The following SMG7 variants were observed in gnomAD, a reference collection of about 807,000 sequenced individuals.
The protein encoded by SMG7 is nonsense-mediated mRNA decay factor SMG7.
Under a neutral mutation model 148.2 loss-of-function variants are expected in SMG7, and 34 were observed. The ratio of observed to expected loss-of-function variants is 0.23; its 90% confidence interval spans 0.17 to 0.31. SMG7 has a LOEUF of 0.31. SMG7 is among the 10% of genes least tolerant of loss of function. SMG7 has a pLI of 1.00. For missense variants in SMG7, 1,114 were observed against 1,408.4 expected (o/e 0.79, Z 3.35); for synonymous variants, 492 against 515.1 (o/e 0.96, Z 0.61).
At chr1:183,539,907 A>G (rs1414026360) in intron 12 of SMG7, among the ~76,000 whole-genome samples, 1 of 152,152 alleles carries the variant, frequency 6.6e-6, no homozygotes, top group Non-Finnish European at 1.5e-5. Flanking sequence ...TACACTGCCT[A>G]TAGTTTTTAA....
intron 1 of SMG7, among the ~76,000 whole-genome samples, chr1:183,486,234 G>T (rs529027866): frequency 6.6e-6 from 1 of 152,276 alleles, no homozygotes; most frequent in East Asian, 1.9e-4. Flanking sequence ...AATAATATAT[G>T]AGATTGCACT....
chr1:183,536,660 T>C (rs1207319163), intron 10 of SMG7, among the ~76,000 whole-genome samples: 1 of 152,150 alleles, frequency 6.6e-6, no homozygotes, highest in Non-Finnish European at 1.5e-5. Flanking sequence ...TGTAAAAATG[T>C]GGACTTTTTG....
At chr1:183,513,079 G>A in intron 2 of SMG7, 12 of 473,352 alleles carry the variant, frequency 2.5e-5, no homozygotes, top group South Asian at 4.9e-5. Flanking sequence ...ACTAATATAT[G>A]GTATACTGAA....
Position 183,539,641 on chromosome 1 carries a change from A to G in SMG7, c.1295+1201A>G, listed in dbSNP as rs1232453057. Among the ~76,000 whole-genome samples the G allele has an allele frequency of 2.0e-5, 3 of 152,238 alleles. No individual in the cohort carries two copies. In the East Asian group the frequency reaches 5.8e-4, roughly 29 times the overall value. On this transcript the variant is annotated intron_variant, in intron 12 of 22. Coordinates refer to ENST00000688051, the MANE Select transcript of SMG7 (RefSeq NM_001375584.1). The stretch of plus-strand genomic sequence containing the variant: ...CTTATATTTTCCGATTTGGTCAGCC[A>G]AAAAGCAATCTTCTTTCTCTATTTT...
intron 15 of SMG7, 43 bp downstream of exon 15, chr1:183,544,540 C>A (rs1209308172): frequency 6.3e-7 from 1 of 1,589,878 alleles, no homozygotes; most frequent in Non-Finnish European, 8.6e-7. Flanking sequence ...CTTTTCTGTG[C>A]AAGAATTTCT....
At chr1:183,480,967 G>A (rs1653954289) in intron 1 of SMG7, among the ~76,000 whole-genome samples, 1 of 152,140 alleles carries the variant, frequency 6.6e-6, no homozygotes, top group Admixed American at 6.5e-5. Context: ...ATTGCTGTCA[G>A]TGTTAACAAA....
chr1:183,532,457 A>AT (rs1236210713), intron 8 of SMG7, among the ~76,000 whole-genome samples: 2 of 152,212 alleles, frequency 1.3e-5, no homozygotes, highest in African/African-American at 4.8e-5. Context: ...CATCTGGGTG[A>AT]TTTTTTATAG....
Position 183,472,521 on chromosome 1 carries a change from TGGC to T in SMG7, c.-93_-91del. 8.6e-7 allele frequency: 1 copy of T among 1,165,202 alleles called. No individual in the cohort carries two copies. The highest frequency in any genetic ancestry group is 1.1e-6 in the Non-Finnish European group (1 of 883,208). The allele number at this position is 1,165,202 out of a possible 1,614,324, so 72.2% of individuals were successfully genotyped here. A position where few individuals can be genotyped will look rare whatever the true frequency, so the allele number is the denominator to read the frequency against. On this transcript the variant is annotated 5_prime_UTR_variant, in exon 1 of 23. Transcript: ENST00000688051. The stretch of plus-strand genomic sequence containing the variant: ...GAGGAGGAGCCGGAGGAGAGGAAGA[TGGC>T]GGCGGCCGCCAGCACCCGCGGTGCC...
chr1:183,532,846 T>C lies in SMG7; in HGVS notation c.844-318T>C, dbSNP rs532162864. The stretch of plus-strand genomic sequence containing the variant: ...AAACAATTTCTAAAGGATTAAGTTG[T>C]ATAAATTTATGGATGAACACTCAAA... On this transcript the variant is annotated intron_variant, in intron 8 of 22. Coordinates refer to ENST00000688051, the MANE Select transcript of SMG7 (RefSeq NM_001375584.1). Among the ~76,000 whole-genome samples the C allele has an allele frequency of 2.0e-5, 3 of 152,310 alleles. No individual in the cohort carries two copies. In the East Asian group the frequency reaches 5.8e-4, roughly 29 times the overall value.
At chr1:183,508,836 A>G (rs1170544030) in intron 1 of SMG7, among the ~76,000 whole-genome samples, 1 of 152,224 alleles carries the variant, frequency 6.6e-6, no homozygotes, top group Non-Finnish European at 1.5e-5. Flanking sequence ...TTCTAATTAT[A>G]TGAGACTGTA....
intron 1 of SMG7, among the ~76,000 whole-genome samples, chr1:183,479,922 C>T (rs866920937): frequency 3.9e-5 from 6 of 152,202 alleles, no homozygotes; most frequent in Middle Eastern, 3.4e-3. Flanking sequence ...ACTCATGGCT[C>T]CTTTATTCCA....
At chr1:183,489,926 C>G (rs1169095054) in intron 1 of SMG7, among the ~76,000 whole-genome samples, 2 of 152,144 alleles carry the variant, frequency 1.3e-5, no homozygotes, top group Non-Finnish European at 2.9e-5. Context: ...AATGTGGTCC[C>G]CAGATGAGCA....
rs559461524 is a variant in SMG7, at chr1:183,536,931, C to T, written c.1164-214C>T. 5.9e-5 allele frequency among the ~76,000 whole-genome samples: 9 copies of T among 152,146 alleles called. No homozygotes were observed. In the East Asian group the frequency reaches 1.5e-3, roughly 26 times the overall value. On this transcript the variant is annotated intron_variant, in intron 10 of 22. Transcript: ENST00000688051. ...GAAATGATCTACAGTGGTAGTAGGT[C>T]TCTGTCATGGAAATTTGTCCCTTTT...
intron 6 of SMG7, 98 bp from the exon 7 acceptor site, chr1:183,528,794 C>T (rs1276815029): frequency 9.5e-7 from 1 of 1,056,100 alleles, no homozygotes; most frequent in Non-Finnish European, 1.4e-6. Context: ...TAAAAATACT[C>T]CCCATTGTTT....
intron 6 of SMG7, 22 bp downstream of exon 6, chr1:183,528,049 A>C (rs1309647739): frequency 3.8e-6 from 6 of 1,582,944 alleles, no homozygotes; most frequent in Admixed American, 3.4e-5. Flanking sequence ...TGTCAACCTG[A>C]GATTGACCGT....
intron 1 of SMG7, among the ~76,000 whole-genome samples, chr1:183,499,516 A>G (rs1471175618): frequency 6.6e-6 from 1 of 152,144 alleles, no homozygotes; most frequent in Non-Finnish European, 1.5e-5. Context: ...ATCTTTTCAC[A>G]TGCTTATTTG....
chr1:183,545,450 G>A (rs1669757416), intron 16 of SMG7, 138 bp downstream of exon 16: 6 of 971,970 alleles, frequency 6.2e-6, no homozygotes, highest in South Asian at 1.7e-5. Flanking sequence ...CAAAAGTATT[G>A]TCTCTACTGT....
Position 183,553,805 on chromosome 1 carries a change from A to G in SMG7, c.*1874A>G, listed in dbSNP as rs2102854656. The G allele has an allele frequency of 6.6e-6, 1 of 152,422 alleles. No individual in the cohort carries two copies. Among genetic ancestry groups the G allele is most frequent in the South Asian group, 2.1e-4 (1 of 4,796 alleles). The allele number at this position is 152,422 out of a possible 1,614,324, so 9.4% of individuals were successfully genotyped here. ...AGCCTTTTTCCTACTACCTTTACCCAGTTTGTGTGTTTGAGCTCTGCATTC... is the reference window on the plus strand; with the variant it reads ...AGCCTTTTTCCTACTACCTTTACCCGGTTTGTGTGTTTGAGCTCTGCATTC... On this transcript the variant is annotated 3_prime_UTR_variant, in exon 23 of 23. Transcript: ENST00000688051.
At chr1:183,537,626 T>C (rs1668026034) in intron 11 of SMG7, among the ~76,000 whole-genome samples, 1 of 152,252 alleles carries the variant, frequency 6.6e-6, no homozygotes, top group South Asian at 2.1e-4. Flanking sequence ...TATATCTTCT[T>C]CGGGCCTTTT....
Sources: allele counts gnomAD v4.1 joint callset (sites outside exome capture counted in the v4.1 genomes callset), GRCh38; gene constraint gnomAD v4.1.1; transcripts MANE v1.5; gene names NCBI Gene and HGNC (gene_info 2026-07-23, HGNC 2026-07-21).